The following GFRA1 variants were observed in gnomAD, a reference collection of about 807,000 sequenced individuals.
GFRA1 encodes the protein GDNF family receptor alpha-1.
Under a neutral mutation model 51.6 loss-of-function variants are expected in GFRA1, and 16 were observed. The ratio of observed to expected loss-of-function variants is 0.31; its 90% CI spans 0.21 to 0.47. The LOEUF (loss-of-function observed/expected upper bound fraction) is 0.47. GFRA1 is among the 20% of genes least tolerant of loss of function. GFRA1 has a pLI of 1.00. For synonymous variants in GFRA1, 270 were observed against 241.3 expected, an observed-to-expected ratio of 1.12 and a Z score of -1.10; for missense variants, 530 against 594.3, an observed-to-expected ratio of 0.89 and a Z score of 1.13.
At chr10:116,199,123 T>C (rs1447700070) in intron 5 of GFRA1, among the ~76,000 whole-genome samples, 1 of 152,176 alleles carries the variant, frequency 6.6e-6, no homozygotes, top group Non-Finnish European at 1.5e-5. Flanking sequence ...TGCTGACACC[T>C]TGATTTCAGA....
In GFRA1 at chr10:116,133,723, C is replaced by G. The variant is rs1351216330; in HGVS notation, c.434-8166G>C. Among the ~76,000 whole-genome samples the G allele has an allele frequency of 2.0e-5, 3 of 152,242 alleles. No individual in the cohort carries two copies. The East Asian group carries it at 5.8e-4, about 29-fold the overall frequency. On this transcript the variant is annotated intron_variant, in intron 5 of 10. Transcript: ENST00000355422. ...CAGAGGGTCTATGCACTTGGAGGCG[C>G]TGGCCTCTCCGCGGTCTGCGGCTCC...
chr10:116,210,607 C>G (rs376505800), intron 5 of GFRA1, among the ~76,000 whole-genome samples: 1 of 152,102 alleles, frequency 6.6e-6, no homozygotes, highest in African/African-American at 2.4e-5. Flanking sequence ...AAAGACAATA[C>G]GACAGTACCC....
chr10:116,064,061 C>A lies in GFRA1; in HGVS notation c.*337G>T, dbSNP rs557193251. Reference sequence around the variant, plus strand: ...AAATCATCATCATGATCATGATGATCATCATCATGATCATGATGATCATCA... The same window carrying A: ...AAATCATCATCATGATCATGATGATAATCATCATGATCATGATGATCATCA... On this transcript the variant is annotated 3_prime_UTR_variant, in exon 11 of 11. Coordinates refer to ENST00000355422, the MANE Select transcript of GFRA1 (RefSeq NM_005264.8). 1 of 133,686 alleles carries A rather than the reference C, an allele frequency of 7.5e-6. No homozygotes were observed. Among genetic ancestry groups the A allele is most frequent in the Non-Finnish European group, 1.3e-5 (1 of 76,676 alleles). 8.3% of individuals were successfully genotyped at this position (133,686 alleles called of 1,614,324 possible). A position where few individuals can be genotyped will look rare whatever the true frequency, so the allele number is the denominator to read the frequency against.
At chr10:116,196,576 TA>T (rs1963795949) in intron 5 of GFRA1, among the ~76,000 whole-genome samples, 3 of 43,158 alleles carry the variant, frequency 7.0e-5, no homozygotes, top group South Asian at 1.1e-3. Flanking sequence ...ATAATATATA[TA>T]ATATATAGTA....
At chr10:116,199,373 A>G (rs968875978) in intron 5 of GFRA1, among the ~76,000 whole-genome samples, 4 of 152,092 alleles carry the variant, frequency 2.6e-5, no homozygotes, top group Non-Finnish European at 4.4e-5. Flanking sequence ...ATTTATCCCT[A>G]TGGAGGCCAC....
intron 5 of GFRA1, among the ~76,000 whole-genome samples, chr10:116,199,188 G>A (rs569687912): frequency 2.9e-4 from 44 of 152,230 alleles, no homozygotes; most frequent in Non-Finnish European, 3.8e-4. Context: ...ACACCACCTC[G>A]TTTGTAATCC....
intron 5 of GFRA1, among the ~76,000 whole-genome samples, chr10:116,189,003 C>G (rs1963001395): frequency 6.6e-6 from 1 of 151,254 alleles, no homozygotes; most frequent in Non-Finnish European, 1.5e-5. Context: ...GCCTCTAATC[C>G]CAGCACTTTG....
At chr10:116,183,207 G>A (rs906658501) in intron 5 of GFRA1, among the ~76,000 whole-genome samples, 7 of 152,090 alleles carry the variant, frequency 4.6e-5, no homozygotes, top group African/African-American at 1.2e-4. Context: ...TGTTTTACCC[G>A]CTGGGCCTGG....
At position 116,133,717 on chromosome 10, in the gene GFRA1, G is replaced by A. The variant is rs150310815; in HGVS notation, c.434-8160C>T. ...CCCAGCCAGAGGGTCTATGCACTTG[G>A]AGGCGCTGGCCTCTCCGCGGTCTGC... On this transcript the variant is annotated intron_variant, in intron 5 of 10. Transcript: ENST00000355422. Among the ~76,000 whole-genome samples the A allele has an allele frequency of 5.5e-3, 831 of 152,360 alleles. 7 individuals carry two copies. Among genetic ancestry groups the A allele is most frequent in the African/African-American group, 0.019 (786 of 41,586 alleles).
intron 5 of GFRA1, among the ~76,000 whole-genome samples, chr10:116,193,411 T>C (rs907454083): frequency 6.6e-6 from 1 of 152,176 alleles, no homozygotes; most frequent in Non-Finnish European, 1.5e-5. Context: ...AAACACACTT[T>C]GGGGAGATGA....
intron 5 of GFRA1, among the ~76,000 whole-genome samples, chr10:116,206,207 T>G (rs1210146581): frequency 6.6e-6 from 1 of 152,146 alleles, no homozygotes; most frequent in East Asian, 1.9e-4. Flanking sequence ...AAAATAGATT[T>G]CATTTATTCA....
At chr10:116,176,005 G>T (rs1193873131) in intron 5 of GFRA1, among the ~76,000 whole-genome samples, 1 of 152,108 alleles carries the variant, frequency 6.6e-6, no homozygotes, top group Non-Finnish European at 1.5e-5. Context: ...GATGCAGGCT[G>T]ATCGTTTCCG....
At chr10:116,089,562 T>C (rs1956240563) in intron 9 of GFRA1, among the ~76,000 whole-genome samples, 179 bp downstream of exon 9, 1 of 152,176 alleles carries the variant, frequency 6.6e-6, no homozygotes, top group Admixed American at 6.5e-5. Context: ...TCGGACTTTC[T>C]CTGCACTATA....
chr10:116,222,712 G>A (rs1337208865), intron 4 of GFRA1, among the ~76,000 whole-genome samples: 1 of 152,164 alleles, frequency 6.6e-6, no homozygotes, highest in South Asian at 2.1e-4. Flanking sequence ...AAGAAATCAA[G>A]TTGCAGGATA....
intron 5 of GFRA1, among the ~76,000 whole-genome samples, chr10:116,132,247 G>T (rs940624943): frequency 1.3e-5 from 2 of 152,046 alleles, no homozygotes; most frequent in South Asian, 2.1e-4. Flanking sequence ...AACACAAAAA[G>T]AAATAGCCTA....
At chr10:116,083,553 G>A (rs1325334152) in intron 9 of GFRA1, among the ~76,000 whole-genome samples, 1 of 152,218 alleles carries the variant, frequency 6.6e-6, no homozygotes, top group Non-Finnish European at 1.5e-5. Context: ...AATGGGGTCA[G>A]TCTGCTGGCA....
chr10:116,105,778 C>G (rs1208852266), intron 6 of GFRA1, among the ~76,000 whole-genome samples: 1 of 151,848 alleles, frequency 6.6e-6, no homozygotes, highest in Non-Finnish European at 1.5e-5. Flanking sequence ...CCACAACTAG[C>G]TCATGATACC....
intron 6 of GFRA1, among the ~76,000 whole-genome samples, chr10:116,118,237 C>T (rs929436876): frequency 6.6e-6 from 1 of 152,208 alleles, no homozygotes; most frequent in Non-Finnish European, 1.5e-5. Context: ...GGACTCTGCG[C>T]TCATCGCTTC....
chr10:116,111,407 C>A (rs74742740), intron 6 of GFRA1, among the ~76,000 whole-genome samples: 2,010 of 152,274 alleles, frequency 0.013, 39 homozygotes, highest in African/African-American at 0.046. Flanking sequence ...GCAATAGAGC[C>A]CTTCCAGTGG....
Sources: allele counts gnomAD v4.1 joint callset (sites outside exome capture counted in the v4.1 genomes callset), GRCh38; gene constraint gnomAD v4.1.1; transcripts MANE v1.5; gene names NCBI Gene and HGNC (gene_info 2026-07-23, HGNC 2026-07-21).